The following OPCML variants were observed in gnomAD, a reference collection of about 807,000 sequenced individuals.
OPCML encodes the protein opioid binding protein/cell adhesion molecule like, also known as opioid-binding protein/cell adhesion molecule.
OPCML carries 13 observed loss-of-function variants against 37.8 expected under a neutral mutation model. The observed-to-expected ratio is 0.34, with a 90% confidence interval of 0.22 to 0.55. The LOEUF is 0.55. Ranked by LOEUF, OPCML falls within the 20% of genes least tolerant of loss-of-function variation. The probability of loss-of-function intolerance (pLI) is 0.91; values close to 1 mark genes in which losing one functional copy is unlikely to be tolerated. For missense variants in OPCML, 341 were observed against 435.6 expected, an observed-to-expected ratio of 0.78 and a Z score of 1.93; for synonymous variants, 176 against 168.8, an observed-to-expected ratio of 1.04 and a Z score of -0.33.
chr11:132,572,329 C>G (rs74624510), intron 3 of OPCML, among the ~76,000 whole-genome samples: 1 of 152,026 alleles, frequency 6.6e-6, no homozygotes, highest in South Asian at 2.1e-4. Context: ...ATTGCCAAGA[C>G]CACTGTCATG....
chr11:133,496,900 C>T (rs527491809), intron 1 of OPCML, among the ~76,000 whole-genome samples: 1 of 152,100 alleles, frequency 6.6e-6, no homozygotes, highest in African/African-American at 2.4e-5. Flanking sequence ...ATTTCTTTCC[C>T]TTGTCTGATT....
At chr11:132,625,651 A>T (rs1020660093) in intron 3 of OPCML, among the ~76,000 whole-genome samples, 2 of 152,160 alleles carry the variant, frequency 1.3e-5, no homozygotes, top group Non-Finnish European at 2.9e-5. Context: ...CCAATGTTGT[A>T]GGAGTTGTGT....
At chr11:133,033,762 G>A (rs1591933168) in intron 1 of OPCML, among the ~76,000 whole-genome samples, 2 of 152,142 alleles carry the variant, frequency 1.3e-5, no homozygotes, top group Non-Finnish European at 2.9e-5. Context: ...GCAGCTAGTG[G>A]TTATAGATAT....
At chr11:133,314,179 G>A (rs1388128538) in intron 1 of OPCML, among the ~76,000 whole-genome samples, 1 of 134,466 alleles carries the variant, frequency 7.4e-6, no homozygotes, top group East Asian at 2.4e-4. Context: ...AGCTTGCAGT[G>A]AGCCGAGATC....
chr11:133,487,816 T>A (rs1043470504), intron 1 of OPCML, among the ~76,000 whole-genome samples: 8 of 151,702 alleles, frequency 5.3e-5, no homozygotes, highest in African/African-American at 1.9e-4. Context: ...TGTGTGTAAA[T>A]TTAAAGTAAT....
chr11:132,910,050 G>T (rs1222311942), intron 2 of OPCML, among the ~76,000 whole-genome samples: 1 of 152,218 alleles, frequency 6.6e-6, no homozygotes, highest in African/African-American at 2.4e-5. Context: ...GGGAGAAAGA[G>T]ATTTCCATCG....
chr11:132,858,082 T>C (rs1191598178), intron 2 of OPCML, among the ~76,000 whole-genome samples: 1 of 152,142 alleles, frequency 6.6e-6, no homozygotes, highest in East Asian at 1.9e-4. Context: ...GGCACATACA[T>C]GCACACATGT....
intron 1 of OPCML, among the ~76,000 whole-genome samples, chr11:132,946,452 C>A (rs1945746980): frequency 6.6e-6 from 1 of 152,196 alleles, no homozygotes; most frequent in Non-Finnish European, 1.5e-5. Flanking sequence ...ATGGGACCGG[C>A]AGCATAGTAG....
Position 133,330,450 on chromosome 11 carries a change from C to T in OPCML, c.61+201814G>A, listed in dbSNP as rs200121352. ...TGGAACCAACCCAAATGTCCAACAA[C>T]GATAGACTGGATTAAGAAAATGTGG... On this transcript the variant is annotated intron_variant, in intron 1 of 7. Coordinates refer to ENST00000524381, the MANE Select transcript of OPCML (RefSeq NM_001012393.5). Among the ~76,000 whole-genome samples, 396 of 152,040 alleles carry T rather than the reference C, an allele frequency of 2.6e-3. 1 individual carries two copies. The highest frequency in any genetic ancestry group is 0.012 in the East Asian group (62 of 5,162).
At chr11:133,283,855 C>A (rs556621590) in intron 1 of OPCML, among the ~76,000 whole-genome samples, 1 of 152,254 alleles carries the variant, frequency 6.6e-6, no homozygotes. Context: ...GCTCCACATA[C>A]CTGTGAGCCT....
intron 2 of OPCML, among the ~76,000 whole-genome samples, chr11:132,881,484 G>A (rs1012694767): frequency 2.6e-5 from 4 of 152,156 alleles, no homozygotes; most frequent in African/African-American, 9.7e-5. Flanking sequence ...TAGGCTCCCT[G>A]CAGTTGGGCA....
chr11:132,530,033 G>C (rs914705408), intron 3 of OPCML, among the ~76,000 whole-genome samples: 1 of 152,158 alleles, frequency 6.6e-6, no homozygotes, highest in Non-Finnish European at 1.5e-5. Context: ...TCTCACTCAG[G>C]AAATGTGGAT....
chr11:132,907,955 G>C (rs917950237), intron 2 of OPCML, among the ~76,000 whole-genome samples: 1 of 152,070 alleles, frequency 6.6e-6, no homozygotes, highest in Non-Finnish European at 1.5e-5. Context: ...GATGTAGAAT[G>C]AGTCAATGAA....
At chr11:133,330,968 T>C (rs1943605313) in intron 1 of OPCML, among the ~76,000 whole-genome samples, 1 of 152,206 alleles carries the variant, frequency 6.6e-6, no homozygotes, top group South Asian at 2.1e-4. Flanking sequence ...GTTACACAGC[T>C]AATAGTGGGC....
chr11:133,438,813 G>C (rs190336654), intron 1 of OPCML, among the ~76,000 whole-genome samples: 44 of 152,220 alleles, frequency 2.9e-4, no homozygotes, highest in African/African-American at 9.4e-4. Context: ...AACGGTCAAC[G>C]ATTTAATACA....
chr11:132,608,108 G>A (rs1220457450), intron 3 of OPCML, among the ~76,000 whole-genome samples: 2 of 152,098 alleles, frequency 1.3e-5, no homozygotes, highest in Admixed American at 6.6e-5. Flanking sequence ...ATCATCACAT[G>A]TACCCCAAAA....
intron 4 of OPCML, among the ~76,000 whole-genome samples, chr11:132,454,175 GT>G (rs2096075559): frequency 6.6e-6 from 1 of 152,146 alleles, no homozygotes; most frequent in Non-Finnish European, 1.5e-5. Context: ...AAAGCACATT[GT>G]TTCTTAATTG....
chr11:133,316,861 T>C (rs573689951), intron 1 of OPCML, among the ~76,000 whole-genome samples: 44 of 152,340 alleles, frequency 2.9e-4, no homozygotes, highest in Non-Finnish European at 5.1e-4. Context: ...AATGGCTATT[T>C]TTCCCAAACT....
intron 2 of OPCML, among the ~76,000 whole-genome samples, chr11:132,819,566 G>A (rs950631208): frequency 5.9e-5 from 9 of 152,118 alleles, no homozygotes; most frequent in African/African-American, 2.2e-4. Flanking sequence ...ATAGATCATA[G>A]CCAAATTAAA....
Sources: allele counts gnomAD v4.1 joint callset (sites outside exome capture counted in the v4.1 genomes callset), GRCh38; gene constraint gnomAD v4.1.1; transcripts MANE v1.5; gene names NCBI Gene and HGNC (gene_info 2026-07-23, HGNC 2026-07-21).